The following L3MBTL3 variants were observed in gnomAD, a reference collection of about 807,000 sequenced individuals.
L3MBTL3 encodes the protein L3MBTL histone methyl-lysine binding protein 3.
L3MBTL3 carries 27 observed loss-of-function variants against 102.3 expected under a neutral mutation model. That is an observed-to-expected ratio of 0.26 (90% CI 0.19 to 0.36). The LOEUF is 0.36. Ranked by LOEUF, L3MBTL3 falls within the 10% of genes least tolerant of loss-of-function variation. The pLI, the probability that L3MBTL3 is intolerant of heterozygous loss-of-function variation, is 1.00. For synonymous variants in L3MBTL3, 340 were observed against 320.9 expected, an observed-to-expected ratio of 1.06 and a Z score of -0.64; for missense variants, 798 against 955.3, an observed-to-expected ratio of 0.84 and a Z score of 2.17.
intron 20 of L3MBTL3, among the ~76,000 whole-genome samples, chr6:130,128,896 G>A (rs765809123): frequency 6.6e-6 from 1 of 152,148 alleles, no homozygotes; most frequent in Admixed American, 6.6e-5. Flanking sequence ...CCATCCATCC[G>A]ATCTATCCAG....
At chr6:130,030,229 G>A (rs1191247247) in intron 2 of L3MBTL3, among the ~76,000 whole-genome samples, 1 of 151,880 alleles carries the variant, frequency 6.6e-6, no homozygotes, top group Non-Finnish European at 1.5e-5. Flanking sequence ...GCACTCTAGT[G>A]TACATAATTT....
At chr6:130,129,322 A>G (rs1786846690) in intron 20 of L3MBTL3, among the ~76,000 whole-genome samples, 1 of 152,178 alleles carries the variant, frequency 6.6e-6, no homozygotes, top group Non-Finnish European at 1.5e-5. Flanking sequence ...GACTGAATAG[A>G]TTAATTTGTT....
intron 12 of L3MBTL3, 79 bp from the exon 13 acceptor site, chr6:130,070,897 C>A: frequency 1.0e-6 from 1 of 978,024 alleles, no homozygotes; most frequent in Non-Finnish European, 1.4e-6. Context: ...GGCCTTTGAG[C>A]AGGAGGTGCA....
intron 18 of L3MBTL3, among the ~76,000 whole-genome samples, chr6:130,103,932 C>T (rs1338465583): frequency 6.6e-6 from 1 of 152,192 alleles, no homozygotes; most frequent in Non-Finnish European, 1.5e-5. Context: ...GACCTGAACA[C>T]AGGGAACAGC....
intron 16 of L3MBTL3, among the ~76,000 whole-genome samples, chr6:130,091,675 T>C (rs541464830): frequency 6.6e-6 from 1 of 151,992 alleles, no homozygotes; most frequent in African/African-American, 2.4e-5. Flanking sequence ...TATTCAGCCA[T>C]AAAAAAAGAA....
chr6:130,111,221 T>C (rs1785326997), intron 19 of L3MBTL3, among the ~76,000 whole-genome samples: 1 of 152,232 alleles, frequency 6.6e-6, no homozygotes, highest in Non-Finnish European at 1.5e-5. Flanking sequence ...TCACGCTGGT[T>C]ACCACCATGG....
intron 19 of L3MBTL3, among the ~76,000 whole-genome samples, chr6:130,112,317 G>T (rs979928632): frequency 6.6e-6 from 1 of 152,082 alleles, no homozygotes; most frequent in South Asian, 2.1e-4. Flanking sequence ...CCATCCATCT[G>T]TCTTCCATGG....
intron 19 of L3MBTL3, 77 bp from the exon 20 acceptor site, chr6:130,120,802 A>G (rs1362075878): frequency 1.9e-6 from 2 of 1,036,172 alleles, no homozygotes; most frequent in Non-Finnish European, 3.0e-6. Context: ...TAGGAAAAGC[A>G]CTTGTTGAGA....
Position 130,049,396 on chromosome 6 carries a change from A to G in L3MBTL3, c.214+3A>G, listed in dbSNP as rs1192259509. The G allele has an allele frequency of 6.6e-7, 1 of 1,516,962 alleles. No individual in the cohort carries two copies. Among genetic ancestry groups the G allele is most frequent in the Admixed American group, 1.8e-5 (1 of 57,042 alleles). 94.0% of individuals were successfully genotyped at this position (1,516,962 alleles called of 1,614,324 possible). A position where few individuals can be genotyped will look rare whatever the true frequency, so the allele number is the denominator to read the frequency against. On this transcript the variant is annotated splice_donor_region_variant and intron_variant, in intron 4 of 22. Coordinates refer to ENST00000361794, the MANE Select transcript of L3MBTL3 (RefSeq NM_032438.4). ...GATGGTACCAACTGCTCAAGAAGGT[A>G]AGGATGGGTCATCTGCATTTTATTT...
chr6:130,105,462 G>A (rs780644299), intron 19 of L3MBTL3, among the ~76,000 whole-genome samples: 27 of 151,684 alleles, frequency 1.8e-4, no homozygotes, highest in Non-Finnish European at 2.5e-4. Context: ...TTAAAACCAC[G>A]ACTGATAACA....
intron 18 of L3MBTL3, among the ~76,000 whole-genome samples, chr6:130,098,965 A>G (rs1196275277): frequency 6.6e-6 from 1 of 151,192 alleles, no homozygotes; most frequent in African/African-American, 2.4e-5. Context: ...ATTGTTAAAA[A>G]TATACAATTA....
intron 2 of L3MBTL3, among the ~76,000 whole-genome samples, chr6:130,038,691 T>G (rs913002625): frequency 6.6e-6 from 1 of 152,180 alleles, no homozygotes; most frequent in African/African-American, 2.4e-5. Flanking sequence ...ATGGATAGTT[T>G]GGAAATATCT....
chr6:130,131,455 C>T (rs7775285), intron 20 of L3MBTL3, among the ~76,000 whole-genome samples: 17 of 152,170 alleles, frequency 1.1e-4, no homozygotes, highest in Admixed American at 3.9e-4. Context: ...ACACATGCTG[C>T]GACCTCAGAG....
At chr6:130,027,556 T>G (rs1279298164) in intron 2 of L3MBTL3, among the ~76,000 whole-genome samples, 1 of 152,192 alleles carries the variant, frequency 6.6e-6, no homozygotes, top group Non-Finnish European at 1.5e-5. Flanking sequence ...CTGTTCAGTC[T>G]ATTGATAAGG....
At chr6:130,136,046 T>G (rs1787619115) in intron 22 of L3MBTL3, among the ~76,000 whole-genome samples, 1 of 152,252 alleles carries the variant, frequency 6.6e-6, no homozygotes, top group Non-Finnish European at 1.5e-5. Flanking sequence ...TTGAAAATCC[T>G]ATTGGGTGTA....
intron 19 of L3MBTL3, among the ~76,000 whole-genome samples, chr6:130,113,524 G>C (rs74595374): frequency 0.022 from 3,325 of 152,274 alleles, 116 homozygotes; most frequent in African/African-American, 0.075. Context: ...GTTTAAGCCT[G>C]CTAAACATCA....
At chr6:130,030,562 G>A (rs576217647) in intron 2 of L3MBTL3, among the ~76,000 whole-genome samples, 2 of 151,410 alleles carry the variant, frequency 1.3e-5, no homozygotes, top group South Asian at 2.1e-4. Flanking sequence ...AGCTACTCGG[G>A]AGGTTGAGGC....
At chr6:130,135,651 G>A (rs1316507606) in intron 22 of L3MBTL3, among the ~76,000 whole-genome samples, 1 of 152,132 alleles carries the variant, frequency 6.6e-6, no homozygotes, top group African/African-American at 2.4e-5. Flanking sequence ...CTTTGGAGAT[G>A]TTCCTCAGTT....
At chr6:130,135,629 A>G (rs960571012) in intron 22 of L3MBTL3, among the ~76,000 whole-genome samples, 1 of 152,102 alleles carries the variant, frequency 6.6e-6, no homozygotes, top group Non-Finnish European at 1.5e-5. Flanking sequence ...TTTTTTATTC[A>G]TGGCAGATTG....
Sources: gnomAD v4.1 joint callset for allele counts (sites outside exome capture counted in the v4.1 genomes callset) on GRCh38, gnomAD v4.1.1 for gene constraint, MANE v1.5 for transcripts, NCBI Gene and HGNC (gene_info 2026-07-23, HGNC 2026-07-21) for gene names.